Variants in CEP76 observed in about 807,000 individuals in gnomAD.
CEP76 encodes centrosomal protein of 76 kDa.
In CEP76, 55 loss-of-function variants were observed where a neutral mutation model predicts 83.3. The observed-to-expected ratio is 0.66, with a 90% CI of 0.53 to 0.83. The LOEUF (loss-of-function observed/expected upper bound fraction) is 0.83. Ranked by LOEUF, CEP76 falls within the 40% of genes least tolerant of loss-of-function variation. The pLI is 0.00. For synonymous variants in CEP76, 270 were observed against 274.5 expected (o/e 0.98, Z 0.16); for missense variants, 694 against 799.5 (o/e 0.87, Z 1.59).
chr18:12,678,426 T>C lies in CEP76; in HGVS notation c.1306A>G (p.Thr436Ala), dbSNP rs774297640. 1.1e-5 allele frequency: 17 copies of C among 1,612,428 alleles called. No individual in the cohort carries two copies. The highest frequency in any genetic ancestry group is 2.7e-5 in the African/African-American group (2 of 74,910). The change falls in exon 10 of 12, where the codon ACC (threonine) becomes GCC (alanine). Residue 436 changes from threonine to alanine, a missense_variant. Transcript: ENST00000262127. Reference sequence around the variant, plus strand: ...GCAACTGGAGGTTCATCAGGATTGGTAGGTTTATGGATGTACCTAAAAAAA... The same window carrying C: ...GCAACTGGAGGTTCATCAGGATTGGCAGGTTTATGGATGTACCTAAAAAAA... ...LTGHRYIHKP[T>A]NPDEPPVAEQ...
intron 7 of CEP76, among the ~76,000 whole-genome samples, chr18:12,688,985 G>A (rs1327091617): frequency 3.3e-5 from 5 of 152,014 alleles, no homozygotes; most frequent in African/African-American, 4.8e-5. Flanking sequence ...ATGGTGGCAC[G>A]TGCCTGTAGT....
At chr18:12,695,040 T>C (rs2039902739) in intron 6 of CEP76, among the ~76,000 whole-genome samples, 1 of 152,164 alleles carries the variant, frequency 6.6e-6, no homozygotes, top group Admixed American at 6.6e-5. Flanking sequence ...TCTCAATAAA[T>C]GTTCATCGTA....
chr18:12,702,754 T>A, upstream of CEP76: 1 of 598,070 alleles, frequency 1.7e-6, no homozygotes, highest in East Asian at 3.1e-5. Flanking sequence ...GCCAACTGTT[T>A]TCAAACAGTG....
intron 6 of CEP76, among the ~76,000 whole-genome samples, chr18:12,694,708 CTT>C (rs1397325257): frequency 1.4e-5 from 2 of 144,416 alleles, no homozygotes. Context: ...TCCTGTAATT[CTT>C]TTTTTTTTTT....
rs1231250093 is a variant in CEP76, at chr18:12,695,132, G to A, written c.804+122C>T. 6.5e-6 allele frequency: 3 copies of A among 463,052 alleles called. No individual in the cohort carries two copies. In the Admixed American group the frequency reaches 1.2e-4, roughly 19 times the overall value. The allele number at this position is 463,052 out of a possible 1,614,324, so 28.7% of individuals were successfully genotyped here. The stretch of plus-strand genomic sequence containing the variant: ...CCTCATCCTTTTTGTGAACCTTTGA[G>A]TGCTAATCTAGAAAGTAATAAATGG... On this transcript the variant is annotated intron_variant, in intron 6 of 11. Transcript: ENST00000262127.
rs960105683 is a variant in CEP76, at chr18:12,699,875, G to A, written c.250C>T (p.Pro84Ser). The A allele has an allele frequency of 1.3e-6, 2 of 1,596,988 alleles. No homozygotes were observed. The highest frequency in any genetic ancestry group is 1.7e-4 in the Middle Eastern group (1 of 5,780). ...DSVEQELPSS[P>S]KQPICFDRQS... is the part of the protein sequence containing the mutation. ...CTATCAAAACAAATAGGTTGTTTTGGAGAGGAAGGGAGTTCTTGCTCAACA... is the reference window on the plus strand; with the variant it reads ...CTATCAAAACAAATAGGTTGTTTTGAAGAGGAAGGGAGTTCTTGCTCAACA... The change falls in exon 3 of 12, where the codon CCA (proline) becomes TCA (serine). Residue 84 changes from proline to serine, a missense_variant. By Grantham distance (74) the Pro-to-Ser change is moderately conservative. Coordinates refer to ENST00000262127, the MANE Select transcript of CEP76 (RefSeq NM_024899.4).
At chr18:12,686,683 C>T in intron 7 of CEP76, 1 of 350,702 alleles carries the variant, frequency 2.9e-6, no homozygotes, top group Non-Finnish European at 5.3e-6. Context: ...TGCAACAGAG[C>T]CAGGTTCAAG....
Position 12,674,625 on chromosome 18 carries a change from T to C in CEP76, c.1752A>G (p.Arg584=). The C allele has an allele frequency of 6.2e-7, 1 of 1,614,034 alleles. No individual in the cohort carries two copies. Among genetic ancestry groups the C allele is most frequent in the Non-Finnish European group, 8.5e-7 (1 of 1,179,956 alleles). ...AGNEEFQDAI[R]RAVPDGHTFK... ...ATGTGTGACCATCAGGTACAGCCCTTCTTATGGCATCTTGAAATTCTTCAT... is the reference window on the plus strand; with the variant it reads ...ATGTGTGACCATCAGGTACAGCCCTCCTTATGGCATCTTGAAATTCTTCAT... Residue 584 remains arginine (R), a synonymous_variant, in exon 11 of 12, where the codon AGA becomes AGG. Transcript: ENST00000262127.
chr18:12,691,523 C>G, intron 6 of CEP76, 36 bp from the exon 7 acceptor site: 1 of 1,497,314 alleles, frequency 6.7e-7, no homozygotes, highest in Non-Finnish European at 9.1e-7. Context: ...AATTTCTATT[C>G]ATTATCTTTA....
At chr18:12,688,603 T>C (rs1000603350) in intron 7 of CEP76, among the ~76,000 whole-genome samples, 2 of 152,182 alleles carry the variant, frequency 1.3e-5, no homozygotes, top group Non-Finnish European at 2.9e-5. Context: ...TCTAAATATA[T>C]CCCCACAAGC....
In CEP76 at chr18:12,672,864, C is replaced by G. The variant is rs1042623309; in HGVS notation, c.*501G>C. On this transcript the variant is annotated 3_prime_UTR_variant, in exon 12 of 12. Transcript: ENST00000262127. Reference sequence around the variant, plus strand: ...ACAGTCTCAAATATCCCAAGGACCACGAATAAACCACAAAAGTGGTAATTC... The same window carrying G: ...ACAGTCTCAAATATCCCAAGGACCAGGAATAAACCACAAAAGTGGTAATTC... 1.0e-6 allele frequency: 1 copy of G among 985,286 alleles called. No individual in the cohort carries two copies. The highest frequency in any genetic ancestry group is 1.2e-6 in the Non-Finnish European group (1 of 829,718). 61.0% of individuals were successfully genotyped at this position (985,286 alleles called of 1,614,324 possible).
At chr18:12,675,259 G>C (rs1003472986) in intron 10 of CEP76, among the ~76,000 whole-genome samples, 1 of 152,098 alleles carries the variant, frequency 6.6e-6, no homozygotes, top group Non-Finnish European at 1.5e-5. Flanking sequence ...AGTTGGGCGT[G>C]GTGGCGGGTG....
At chr18:12,679,244 G>A (rs999214702) in intron 9 of CEP76, 9 of 152,184 alleles carry the variant, frequency 5.9e-5, no homozygotes, top group African/African-American at 2.2e-4. Context: ...CAGCCAGGTG[G>A]AAAGGGGTCC....
At chr18:12,683,204 A>AAAAAAAAAAAAAAT (rs2039413427) in intron 8 of CEP76, among the ~76,000 whole-genome samples, 1 of 148,110 alleles carries the variant, frequency 6.8e-6, no homozygotes. Flanking sequence ...AAAAAAAAAA[A>AAAAAAAAAAAAAAT]GCCAGGCATG....
At chr18:12,669,457 A>G (rs532537224), downstream of CEP76, among the ~76,000 whole-genome samples, 1 of 151,956 alleles carries the variant, frequency 6.6e-6, no homozygotes. Flanking sequence ...TATGTTGACC[A>G]GGCTGTGCTC....
At chr18:12,699,964 A>G (rs2040095739) in intron 2 of CEP76, 59 bp from the exon 3 acceptor site, 1 of 1,172,754 alleles carries the variant, frequency 8.5e-7, no homozygotes. Flanking sequence ...GGTTAAGGAA[A>G]TGTCAATAAA....
intron 4 of CEP76, 72 bp from the exon 5 acceptor site, chr18:12,697,480 A>ATG: frequency 3.0e-6 from 3 of 1,007,848 alleles, no homozygotes; most frequent in Non-Finnish European, 4.3e-6. Context: ...GAATACTTTT[A>ATG]TTAAACAGTA....
intron 11 of CEP76, among the ~76,000 whole-genome samples, chr18:12,673,927 C>T (rs1411757357): frequency 1.6e-4 from 24 of 152,114 alleles, no homozygotes; most frequent in Admixed American, 1.6e-3. Flanking sequence ...TCTCTGCTAT[C>T]AAAGACACTG....
intron 7 of CEP76, among the ~76,000 whole-genome samples, chr18:12,687,705 G>A (rs1165886414): frequency 6.6e-6 from 1 of 151,580 alleles, no homozygotes; most frequent in Admixed American, 6.6e-5. Context: ...CGCCCACCTC[G>A]ACCTCCCAAA....
Sources: allele counts gnomAD v4.1 joint callset (sites outside exome capture counted in the v4.1 genomes callset), GRCh38; gene constraint gnomAD v4.1.1; transcripts MANE v1.5; gene names NCBI Gene and HGNC (gene_info 2026-07-23, HGNC 2026-07-21).